Variants in CR1L observed in about 807,000 individuals in gnomAD.
The protein encoded by CR1L is complement C3b/C4b receptor 1 like, also known as complement component receptor 1-like protein.
Under a neutral mutation model 62.3 loss-of-function variants are expected in CR1L, and 59 were observed. The ratio of observed to expected loss-of-function variants is 0.95; its 90% CI spans 0.77 to 1.18. The LOEUF (loss-of-function observed/expected upper bound fraction) is 1.18, where lower values mean the gene tolerates loss of function less well. Ranked by LOEUF, CR1L falls within the 50% of genes most tolerant of loss-of-function variation. The probability of loss-of-function intolerance (pLI) is 0.00; values close to 1 mark genes in which losing one functional copy is unlikely to be tolerated. For missense variants in CR1L, 700 were observed against 702.8 expected (o/e 1.00, Z 0.04); for synonymous variants, 279 against 248.7 (o/e 1.12, Z -1.15).
At chr1:207,682,465 T>A (rs1478708442) in intron 3 of CR1L, among the ~76,000 whole-genome samples, 18 of 151,730 alleles carry the variant, frequency 1.2e-4, no homozygotes, top group Admixed American at 1.2e-3. Flanking sequence ...ATCTCAAAAA[T>A]AATAATAATA....
chr1:207,699,335 C>A (rs777515448), intron 8 of CR1L, 61 bp downstream of exon 8: 26 of 1,587,322 alleles, frequency 1.6e-5, no homozygotes, highest in Non-Finnish European at 2.2e-5. Context: ...AGTATTTGAC[C>A]CATGACCTCC....
chr1:207,716,873 A>G (rs901293086), intron 10 of CR1L, among the ~76,000 whole-genome samples: 1 of 152,224 alleles, frequency 6.6e-6, no homozygotes, highest in African/African-American at 2.4e-5. Context: ...GAAGGAAGAA[A>G]TGATGGCTAA....
chr1:207,665,121 T>C (rs1438747731), intron 1 of CR1L, among the ~76,000 whole-genome samples: 1 of 152,226 alleles, frequency 6.6e-6, no homozygotes, highest in Non-Finnish European at 1.5e-5. Flanking sequence ...TGGCATGATC[T>C]CGGCTCACTG....
rs562031414 is a variant in CR1L at position 207,705,588 on chromosome 1, C to T, written c.1329-2590C>T. On this transcript the variant is annotated intron_variant, in intron 9 of 11. Coordinates refer to ENST00000508064, the MANE Select transcript of CR1L (RefSeq NM_175710.2). ...ATTTGCCAGCCTAGGCTTCAGAGAC[C>T]ATAGCACCTAGAATCTGACAAAATA... 1.5e-3 allele frequency among the ~76,000 whole-genome samples: 236 copies of T among 152,304 alleles called. 1 individual carries two copies. The highest frequency in any genetic ancestry group is 5.4e-3 in the African/African-American group (226 of 41,560).
chr1:207,688,845 C>A (rs1663952370), intron 4 of CR1L, among the ~76,000 whole-genome samples: 1 of 151,926 alleles, frequency 6.6e-6, no homozygotes, highest in Admixed American at 6.6e-5. Context: ...TCTCTATTTA[C>A]TTCTTAGATA....
intron 1 of CR1L, among the ~76,000 whole-genome samples, chr1:207,664,703 G>A (rs1205672988): frequency 1.3e-5 from 2 of 152,200 alleles, no homozygotes; most frequent in Non-Finnish European, 2.9e-5. Context: ...TTTGAGAGCA[G>A]AGGAGAGAAT....
intron 4 of CR1L, among the ~76,000 whole-genome samples, chr1:207,694,133 A>G (rs1308741315): frequency 1.3e-5 from 2 of 152,240 alleles, no homozygotes; most frequent in Non-Finnish European, 2.9e-5. Context: ...AAGAATGTGG[A>G]TGGAGTTAAT....
At chr1:207,651,467 T>C (rs1213524450) in intron 1 of CR1L, among the ~76,000 whole-genome samples, 2 of 152,152 alleles carry the variant, frequency 1.3e-5, no homozygotes, top group African/African-American at 4.8e-5. Context: ...GGCAGGACCA[T>C]GACCAGGGAG....
At chr1:207,668,345 G>A (rs1228649967) in intron 1 of CR1L, among the ~76,000 whole-genome samples, 2 of 151,066 alleles carry the variant, frequency 1.3e-5, no homozygotes, top group Non-Finnish European at 2.9e-5. Flanking sequence ...CCATAAGAAA[G>A]AATGAAATCC....
At chr1:207,714,014 C>T (rs756846426) in intron 10 of CR1L, among the ~76,000 whole-genome samples, 19 of 152,240 alleles carry the variant, frequency 1.2e-4, no homozygotes, top group Non-Finnish European at 1.9e-4. Flanking sequence ...CACTGTATTA[C>T]AGCCTTCTTC....
In CR1L at chr1:207,694,468, G is replaced by A. The variant is rs758010461; in HGVS notation, c.579G>A (p.Gly193=). The A allele has an allele frequency of 6.2e-7, 1 of 1,613,910 alleles. No individual in the cohort carries two copies. The highest frequency in any genetic ancestry group is 8.5e-7 in the Non-Finnish European group (1 of 1,179,822). The part of the protein sequence containing the change: ...VTYHCNLGSR[G]KKVFELVGEP... ...ACCACTGCAATCTTGGAAGCAGAGG[G>A]AAAAAGGTGTTTGAGCTTGTGGGTG... Residue 193 remains glycine (G), a synonymous_variant, in exon 5 of 12, where the codon GGG becomes GGA. Coordinates refer to ENST00000508064, the MANE Select transcript of CR1L (RefSeq NM_175710.2).
At chr1:207,699,629 C>G (rs1664161246) in intron 8 of CR1L, among the ~76,000 whole-genome samples, 1 of 152,056 alleles carries the variant, frequency 6.6e-6, no homozygotes, top group South Asian at 2.1e-4. Context: ...CCCTTCTTCT[C>G]TCCCTCTCTC....
At chr1:207,719,304 A>T (rs536469653) in intron 11 of CR1L, among the ~76,000 whole-genome samples, 1 of 151,928 alleles carries the variant, frequency 6.6e-6, no homozygotes, top group Admixed American at 6.6e-5. Flanking sequence ...TAAATAACAC[A>T]GTAGATAGAT....
intron 11 of CR1L, among the ~76,000 whole-genome samples, chr1:207,723,169 C>T (rs1195765450): frequency 2.6e-5 from 4 of 152,164 alleles, no homozygotes; most frequent in East Asian, 3.8e-4. Context: ...CAGTGGCTCG[C>T]GCCTGTATTC....
chr1:207,705,941 G>A (rs1410071705), intron 9 of CR1L, among the ~76,000 whole-genome samples: 6 of 150,398 alleles, frequency 4.0e-5, no homozygotes, highest in Admixed American at 6.6e-5. Flanking sequence ...GTTTGCACAC[G>A]AATGAATATA....
At chr1:207,704,463 A>T (rs1664239958) in intron 9 of CR1L, among the ~76,000 whole-genome samples, 1 of 152,218 alleles carries the variant, frequency 6.6e-6, no homozygotes, top group Admixed American at 6.5e-5. Flanking sequence ...ATCTGGGAGG[A>T]TTGACTCCAA....
rs34509370 is a variant in CR1L, at chr1:207,677,534, C to T, written c.243C>T (p.Asn81=). ...CGTTTTCTATCATCTGCCTAAAAAACTCAGTCTGGACAAGTGCTAAGGACA... is the reference window on the plus strand; with the variant it reads ...CGTTTTCTATCATCTGCCTAAAAAATTCAGTCTGGACAAGTGCTAAGGACA... ...GRPFSIICLK[N]SVWTSAKDKC... Residue 81 remains asparagine (N), a synonymous_variant, in exon 2 of 12, where the codon AAC becomes AAT. Transcript: ENST00000508064. 0.24 allele frequency: 387,627 copies of T among 1,613,048 alleles called. 51,218 individuals carry two copies. Among genetic ancestry groups the T allele is most frequent in the Non-Finnish European group, 0.28 (327,750 of 1,179,106 alleles).
At chr1:207,701,665 A>C in intron 9 of CR1L, 47 bp downstream of exon 9, 1 of 1,611,866 alleles carries the variant, frequency 6.2e-7, no homozygotes, top group Non-Finnish European at 8.5e-7. Flanking sequence ...CAGCACAGCA[A>C]TACTACCTTC....
chr1:207,685,729 G>T (rs147576801), intron 4 of CR1L, among the ~76,000 whole-genome samples: 1 of 152,064 alleles, frequency 6.6e-6, no homozygotes, highest in South Asian at 2.1e-4. Flanking sequence ...GAAACTCCCC[G>T]TGTGAATGTT....
Sources: gnomAD v4.1 joint callset for allele counts (sites outside exome capture counted in the v4.1 genomes callset) on GRCh38, gnomAD v4.1.1 for gene constraint, MANE v1.5 for transcripts, NCBI Gene and HGNC (gene_info 2026-07-23, HGNC 2026-07-21) for gene names.